HK2: variants seen among roughly 807,000 people sequenced by gnomAD.
The protein encoded by HK2 is hexokinase-2.
HK2 carries 42 observed loss-of-function variants against 92.9 expected under a neutral mutation model. The ratio of observed to expected loss-of-function variants is 0.45; its 90% CI spans 0.35 to 0.58. The LOEUF (loss-of-function observed/expected upper bound fraction) is 0.58. HK2 is among the 20% of genes least tolerant of loss of function. The pLI is 0.00. For synonymous variants in HK2, 422 were observed against 468.0 expected (o/e 0.90, Z 1.27); for missense variants, 978 against 1,245.1 (o/e 0.79, Z 3.23).
chr2:74,867,540 C>G, intron 2 of HK2, 96 bp from the exon 3 acceptor site: 2 of 1,413,804 alleles, frequency 1.4e-6, no homozygotes, highest in Non-Finnish European at 2.0e-6. Context: ...GCCCCTTACC[C>G]ACAGATATTC....
chr2:74,873,452 CATT>C (rs990070752), intron 5 of HK2, 81 bp downstream of exon 5: 9 of 920,462 alleles, frequency 9.8e-6, no homozygotes, highest in Admixed American at 1.9e-5. Context: ...CTTGACTCAT[CATT>C]GTTTGCTTAC....
At chr2:74,882,857 T>C (rs936171368) in intron 12 of HK2, among the ~76,000 whole-genome samples, 1 of 151,928 alleles carries the variant, frequency 6.6e-6, no homozygotes, top group African/African-American at 2.4e-5. Context: ...CTGTCAGTTA[T>C]GCTGTGGGGC....
intron 1 of HK2, among the ~76,000 whole-genome samples, chr2:74,849,283 G>A (rs1381886051): frequency 6.6e-6 from 1 of 152,220 alleles, no homozygotes; most frequent in Admixed American, 6.5e-5. Flanking sequence ...TGTAGAGGAA[G>A]TGGGCATGTC....
chr2:74,859,512 C>T lies in HK2; in HGVS notation c.226+5057C>T, dbSNP rs184852045. Among the ~76,000 whole-genome samples the T allele has an allele frequency of 2.1e-3, 320 of 152,282 alleles. 2 individuals carry two copies. The highest frequency in any genetic ancestry group is 3.5e-3 in the Non-Finnish European group (237 of 68,020). On this transcript the variant is annotated intron_variant, in intron 2 of 17. Transcript: ENST00000290573. ...TCATCCTGGCTAACACGGTGAAACC[C>T]TGTCTCTACTAAAAATACAAAAAAT...
intron 17 of HK2, 125 bp downstream of exon 17, chr2:74,889,603 A>G: frequency 1.3e-6 from 1 of 760,696 alleles, no homozygotes. Context: ...TGTATATAAT[A>G]CATGGATTAT....
intron 2 of HK2, among the ~76,000 whole-genome samples, chr2:74,863,273 T>C (rs149596739): frequency 0.012 from 1,835 of 152,348 alleles, 34 homozygotes; most frequent in African/African-American, 0.041. Context: ...TTTCTCTATT[T>C]TACGTTGTGG....
intron 1 of HK2, among the ~76,000 whole-genome samples, chr2:74,844,590 C>G (rs538643083): frequency 6.1e-4 from 93 of 152,302 alleles, no homozygotes; most frequent in Non-Finnish European, 1.2e-3. Flanking sequence ...GTATTTGATC[C>G]AGCAAGTGGA....
At chr2:74,837,320 G>A (rs575424873) in intron 1 of HK2, among the ~76,000 whole-genome samples, 82 of 152,176 alleles carry the variant, frequency 5.4e-4, no homozygotes, top group Non-Finnish European at 7.9e-4. Flanking sequence ...CTCCTGGCCC[G>A]GGCCTCTGCC....
At chr2:74,867,970 C>A (rs1257987590) in intron 3 of HK2, 186 bp downstream of exon 3, 3 of 670,066 alleles carry the variant, frequency 4.5e-6, no homozygotes, top group Non-Finnish European at 5.4e-6. Context: ...ATTTTATACC[C>A]AACATGTACT....
In HK2 at chr2:74,854,346, C is replaced by G; in HGVS notation, c.117C>G (p.Ile39Met). ...TCTCTGATGAGACCCTCTTGGAGAT[C>G]TCTAAGCGGTTCCGCAAGGAGATGG... ...MRLSDETLLE[I>M]SKRFRKEMEK... is the part of the protein sequence containing the mutation. Residue 39 changes from isoleucine (I) to methionine (M), a missense_variant, in exon 2 of 18, where the codon ATC (isoleucine) becomes ATG (methionine). Coordinates refer to ENST00000290573, the MANE Select transcript of HK2 (RefSeq NM_000189.5). 6.2e-7 allele frequency: 1 copy of G among 1,613,696 alleles called. No individual in the cohort carries two copies. The highest frequency in any genetic ancestry group is 1.1e-5 in the South Asian group (1 of 91,056).
intron 1 of HK2, among the ~76,000 whole-genome samples, chr2:74,853,873 C>T (rs753661281): frequency 2.0e-5 from 3 of 151,954 alleles, no homozygotes; most frequent in Non-Finnish European, 4.4e-5. Flanking sequence ...TTGTAGGCGT[C>T]CGGGAAAAAG....
chr2:74,838,488 G>A (rs901886625), intron 1 of HK2, among the ~76,000 whole-genome samples: 1 of 151,924 alleles, frequency 6.6e-6, no homozygotes, highest in African/African-American at 2.4e-5. Flanking sequence ...CTGTCCTTCA[G>A]CAATCAAGAC....
chr2:74,886,650 T>G lies in HK2; in HGVS notation c.2196T>G (p.Leu732=). The change falls in exon 15 of 18, where the codon CTT becomes CTG. Residue 732 remains leucine (L), a synonymous_variant. Transcript: ENST00000290573. ...RTEFDVAVDE[L]SLNPGKQRFE... ...AATTTGATGTGGCTGTGGATGAGCT[T>G]TCACTCAACCCCGGCAAGCAGAGGT... 6.2e-7 allele frequency: 1 copy of G among 1,613,932 alleles called. No homozygotes were observed. The highest frequency in any genetic ancestry group is 8.5e-7 in the Non-Finnish European group (1 of 1,179,976).
intron 2 of HK2, among the ~76,000 whole-genome samples, chr2:74,865,401 C>T (rs1260495716): frequency 4.6e-5 from 7 of 152,094 alleles, no homozygotes; most frequent in Non-Finnish European, 2.9e-5. Context: ...GGGGCAGCCT[C>T]GCCACCTCGG....
chr2:74,852,676 CAATT>C (rs1484435340), intron 1 of HK2, among the ~76,000 whole-genome samples: 1 of 151,092 alleles, frequency 6.6e-6, no homozygotes, highest in East Asian at 1.9e-4. Flanking sequence ...TCAAAAATAA[CAATT>C]AAAAGATTAA....
At chr2:74,879,294 GCTTCT>G (rs1234992554) in intron 9 of HK2, among the ~76,000 whole-genome samples, 1 of 152,166 alleles carries the variant, frequency 6.6e-6, no homozygotes, top group African/African-American at 2.4e-5. Flanking sequence ...AGGGTTACCA[GCTTCT>G]CTGGCTGACC....
Position 74,878,876 on chromosome 2 carries a change from G to A in HK2, c.1220G>A (p.Arg407His), listed in dbSNP as rs943435663. The A allele has an allele frequency of 8.4e-6, 13 of 1,551,856 alleles. No homozygotes were observed. Among genetic ancestry groups the A allele is most frequent in the African/African-American group, 1.4e-5 (1 of 73,086 alleles). The change falls in exon 9 of 18, where the codon CGC (arginine) becomes CAC (histidine). Residue 407 changes from arginine (R) to histidine (H), a missense_variant. Arg to His is a conservative substitution (Grantham distance 29, BLOSUM62 0). Coordinates refer to ENST00000290573, the MANE Select transcript of HK2 (RefSeq NM_000189.5). ...IKENKGEERLRSTIGVDGSVY... is the reference protein window; with the variant it reads ...IKENKGEERLHSTIGVDGSVY... ...GAGAACAAAGGCGAGGAGCGGCTGCGCTCTACTATTGGGGTCGACGGTTCC... is the reference window on the plus strand; with the variant it reads ...GAGAACAAAGGCGAGGAGCGGCTGCACTCTACTATTGGGGTCGACGGTTCC...
At chr2:74,840,497 T>C (rs969576603) in intron 1 of HK2, among the ~76,000 whole-genome samples, 1 of 152,038 alleles carries the variant, frequency 6.6e-6, no homozygotes, top group Non-Finnish European at 1.5e-5. Flanking sequence ...TTCCTCATTA[T>C]CATCGTTGAG....
chr2:74,839,951 CTTTT>C (rs773321768), intron 1 of HK2, among the ~76,000 whole-genome samples: 2 of 97,028 alleles, frequency 2.1e-5, no homozygotes, highest in African/African-American at 4.0e-5. Context: ...TGCGCCTGGC[CTTTT>C]TTTTTTTTTT....
Sources: gnomAD v4.1 joint callset for allele counts (sites outside exome capture counted in the v4.1 genomes callset) on GRCh38, gnomAD v4.1.1 for gene constraint, MANE v1.5 for transcripts, NCBI Gene and HGNC (gene_info 2026-07-23, HGNC 2026-07-21) for gene names.